KCNMA1: variants seen among roughly 807,000 people sequenced by gnomAD.
KCNMA1 encodes the protein potassium calcium-activated channel subfamily M alpha 1.
KCNMA1 carries 29 observed loss-of-function variants against 140.0 expected under a neutral mutation model. The observed-to-expected ratio is 0.21, with a 90% CI of 0.15 to 0.28. The LOEUF (loss-of-function observed/expected upper bound fraction) is 0.28, where lower values mean the gene tolerates loss of function less well. Among genes scored for constraint, KCNMA1 ranks in the 10% least tolerant of loss-of-function variants. KCNMA1 has a pLI of 1.00. For missense variants in KCNMA1, 880 were observed against 1,602.2 expected, an observed-to-expected ratio of 0.55 and a Z score of 7.70; for synonymous variants, 612 against 611.9, an observed-to-expected ratio of 1.00 and a Z score of 0.00.
rs2074383175 is a variant in KCNMA1, at chr10:77,577,087, C to T, written c.378+60178G>A. On this transcript the variant is annotated intron_variant, in intron 1 of 27. Coordinates refer to ENST00000286628, the MANE Select transcript of KCNMA1 (RefSeq NM_001161352.2). ...CAGTAACTGACCCCATGTTGACGAG[C>T]CTACACACTCTCTTTTTTTTTCTTT... Among the ~76,000 whole-genome samples the T allele has an allele frequency of 3.3e-5, 5 of 149,864 alleles. No individual in the cohort carries two copies. The South Asian group carries it at 1.1e-3, about 32-fold the overall frequency.
chr10:76,953,071 C>A (rs539248160), intron 21 of KCNMA1, among the ~76,000 whole-genome samples: 9 of 152,318 alleles, frequency 5.9e-5, no homozygotes, highest in African/African-American at 1.7e-4. Context: ...CTGGGAGAGA[C>A]TGGGTGAGCC....
At chr10:76,993,876 TAAACTC>T (rs2083461143) in intron 19 of KCNMA1, among the ~76,000 whole-genome samples, 2 of 152,234 alleles carry the variant, frequency 1.3e-5, no homozygotes, top group South Asian at 4.1e-4. Context: ...AAGTAAGTCT[TAAACTC>T]TAGCCAAATT....
At chr10:77,010,847 T>C (rs748080950) in intron 18 of KCNMA1, among the ~76,000 whole-genome samples, 32 of 151,978 alleles carry the variant, frequency 2.1e-4, no homozygotes, top group Non-Finnish European at 3.4e-4. Flanking sequence ...TACTCTTTCA[T>C]AATTGTTCTT....
chr10:77,245,016 CA>C (rs779720530), intron 3 of KCNMA1, among the ~76,000 whole-genome samples: 54 of 151,866 alleles, frequency 3.6e-4, no homozygotes, highest in Admixed American at 1.2e-3. Context: ...TTTTCCAAAC[CA>C]AAGCCTGGCA....
At chr10:77,410,251 C>A (rs1386625931) in intron 1 of KCNMA1, among the ~76,000 whole-genome samples, 2 of 152,206 alleles carry the variant, frequency 1.3e-5, no homozygotes, top group Non-Finnish European at 2.9e-5. Flanking sequence ...ACAGGGTGAG[C>A]TGCTGCCACA....
At chr10:77,423,553 C>T (rs1022256690) in intron 1 of KCNMA1, among the ~76,000 whole-genome samples, 3 of 152,098 alleles carry the variant, frequency 2.0e-5, no homozygotes, top group Non-Finnish European at 1.5e-5. Flanking sequence ...CACAGCTTGT[C>T]ATGGTGGATG....
Position 77,088,096 on chromosome 10 carries a change from G to C in KCNMA1, c.1335-1503C>G, listed in dbSNP as rs1055851718. ...GTGCCTCAGCCTTCAGAGTAGCTGG[G>C]ATTATAGGCATGTGCCACCATGCCC... On this transcript the variant is annotated intron_variant, in intron 10 of 27. Coordinates refer to ENST00000286628, the MANE Select transcript of KCNMA1 (RefSeq NM_001161352.2). Among the ~76,000 whole-genome samples the C allele has an allele frequency of 1.9e-3, 282 of 152,268 alleles. 4 individuals are homozygous for C. Among genetic ancestry groups the C allele is most frequent in the Non-Finnish European group, 3.1e-4 (21 of 68,010 alleles).
intron 2 of KCNMA1, among the ~76,000 whole-genome samples, chr10:77,257,219 T>C (rs2060967397): frequency 6.6e-6 from 1 of 152,248 alleles, no homozygotes; most frequent in African/African-American, 2.4e-5. Context: ...ATTATAATGT[T>C]TTTGTCCTGG....
chr10:77,095,623 C>T lies in KCNMA1; in HGVS notation c.1224-5113G>A, dbSNP rs150417281. On this transcript the variant is annotated intron_variant, in intron 9 of 27. Transcript: ENST00000286628. The stretch of plus-strand genomic sequence containing the variant: ...ACACTATTGAGGGTCACCATAAATT[C>T]GCCAGTTGCTTATTTCATGTGCATA... 3.7e-4 allele frequency among the ~76,000 whole-genome samples: 57 copies of T among 152,238 alleles called. 1 individual carries two copies. The highest frequency in any genetic ancestry group is 1.2e-3 in the African/African-American group (48 of 41,524).
chr10:77,072,662 T>C (rs2096256746), intron 14 of KCNMA1, among the ~76,000 whole-genome samples: 1 of 152,174 alleles, frequency 6.6e-6, no homozygotes, highest in East Asian at 1.9e-4. Flanking sequence ...TGAATTATGC[T>C]GTTGGGGTTT....
chr10:77,134,658 G>A (rs2097944048), intron 5 of KCNMA1, among the ~76,000 whole-genome samples: 1 of 152,030 alleles, frequency 6.6e-6, no homozygotes, highest in South Asian at 2.1e-4. Flanking sequence ...GGACAAAGAG[G>A]ATTACATCAA....
rs77751600 is a variant in KCNMA1, at chr10:77,288,212, T to C, written c.541-36956A>G. 3.5e-3 allele frequency among the ~76,000 whole-genome samples: 530 copies of C among 152,316 alleles called. 4 individuals carry two copies. Among genetic ancestry groups the C allele is most frequent in the African/African-American group, 0.012 (506 of 41,564 alleles). Reference sequence around the variant, plus strand: ...GCTTATTCTTGCCTTGACAATAAAATCAGAGTCCAAGTTAATAAAGATTTC... The same window carrying C: ...GCTTATTCTTGCCTTGACAATAAAACCAGAGTCCAAGTTAATAAAGATTTC... On this transcript the variant is annotated intron_variant, in intron 2 of 27. Coordinates refer to ENST00000286628, the MANE Select transcript of KCNMA1 (RefSeq NM_001161352.2).
At chr10:77,512,329 A>G (rs569722916) in intron 1 of KCNMA1, among the ~76,000 whole-genome samples, 1 of 152,300 alleles carries the variant, frequency 6.6e-6, no homozygotes, top group East Asian at 1.9e-4. Flanking sequence ...AGTTACCCAC[A>G]GTACAGTACA....
chr10:77,408,578 GA>G (rs1181510566), intron 1 of KCNMA1, among the ~76,000 whole-genome samples: 1 of 152,168 alleles, frequency 6.6e-6, no homozygotes, highest in Admixed American at 6.5e-5. Flanking sequence ...GTAAGGGAGA[GA>G]AACCCCACTG....
intron 5 of KCNMA1, among the ~76,000 whole-genome samples, chr10:77,153,628 G>T (rs1015449674): frequency 1.3e-5 from 2 of 152,174 alleles, no homozygotes; most frequent in Admixed American, 1.3e-4. Context: ...CTCCCAAAGT[G>T]CTGGATTACA....
In KCNMA1 at chr10:77,361,091, C is replaced by T. The variant is rs191789180; in HGVS notation, c.540+42771G>A. 1.7e-3 allele frequency among the ~76,000 whole-genome samples: 257 copies of T among 152,292 alleles called. 2 individuals are homozygous for T. The highest frequency in any genetic ancestry group is 6.0e-3 in the African/African-American group (250 of 41,564). ...TTTGAGTCTGAAAGTTACTTAATCT[C>T]TCTAAGCACAGATGTTCTCATCTAT... On this transcript the variant is annotated intron_variant, in intron 2 of 27. Coordinates refer to ENST00000286628, the MANE Select transcript of KCNMA1 (RefSeq NM_001161352.2).
chr10:77,123,615 T>C (rs1294281074), intron 5 of KCNMA1, among the ~76,000 whole-genome samples: 5 of 152,354 alleles, frequency 3.3e-5, no homozygotes, highest in South Asian at 4.1e-4. Context: ...CACTCTTCCA[T>C]GTTCCTTGAG....
intron 14 of KCNMA1, among the ~76,000 whole-genome samples, chr10:77,069,343 T>C (rs945783285): frequency 7.9e-5 from 12 of 152,186 alleles, no homozygotes; most frequent in Non-Finnish European, 1.6e-4. Context: ...TAAGATCCTA[T>C]TGCACAAAAT....
chr10:77,590,301 G>C (rs1369657225), intron 1 of KCNMA1, among the ~76,000 whole-genome samples: 1 of 152,250 alleles, frequency 6.6e-6, no homozygotes, highest in Non-Finnish European at 1.5e-5. Context: ...GCCCTTGGGT[G>C]GTCGATGGGA....
Sources: gnomAD v4.1 joint callset for allele counts (sites outside exome capture counted in the v4.1 genomes callset) on GRCh38, gnomAD v4.1.1 for gene constraint, MANE v1.5 for transcripts, NCBI Gene and HGNC (gene_info 2026-07-23, HGNC 2026-07-21) for gene names.